The following NFIC variants were observed in gnomAD, a reference collection of about 807,000 sequenced individuals.
NFIC encodes nuclear factor 1 C-type.
Under a neutral mutation model 54.4 loss-of-function variants are expected in NFIC, and 12 were observed. The observed-to-expected ratio is 0.22, with a 90% CI of 0.14 to 0.36. The LOEUF (loss-of-function observed/expected upper bound fraction) is 0.36. Ranked by LOEUF, NFIC falls within the 10% of genes least tolerant of loss-of-function variation. NFIC has a pLI of 1.00. For synonymous variants in NFIC, 322 were observed against 319.2 expected (o/e 1.01, Z -0.09); for missense variants, 575 against 718.2 (o/e 0.80, Z 2.28).
At chr19:3,434,488 C>T (rs1207479421) in intron 5 of NFIC, 88 bp downstream of exon 5, 1 of 1,458,310 alleles carries the variant, frequency 6.9e-7, no homozygotes, top group Admixed American at 2.3e-5. Context: ...ATTCCTCTCC[C>T]TGGAATACCT....
chr19:3,463,914 TCCAGCCTCTCCA>T lies in NFIC; in HGVS notation c.*1152_*1163del. ...GGCCGCGGGCCTCCTCCCCCTCCCC[TCCAGCCTCTCCA>T]CCAGCCCCTCCAGTCAACCCTCATC... On this transcript the variant is annotated 3_prime_UTR_variant, in exon 11 of 11. Transcript: ENST00000443272. The T allele has an allele frequency of 2.9e-6, 2 of 693,972 alleles. No individual in the cohort carries two copies. Among genetic ancestry groups the T allele is most frequent in the Non-Finnish European group, 3.3e-6 (2 of 614,818 alleles). 43.0% of individuals were successfully genotyped at this position (693,972 alleles called of 1,614,324 possible). A position where few individuals can be genotyped will look rare whatever the true frequency, so the allele number is the denominator to read the frequency against.
At position 3,464,672 on chromosome 19, in the gene NFIC, A is replaced by G; in HGVS notation, c.*1903A>G. The G allele has an allele frequency of 1.0e-6, 1 of 980,290 alleles. No individual in the cohort carries two copies. Among genetic ancestry groups the G allele is most frequent in the Non-Finnish European group, 1.2e-6 (1 of 828,664 alleles). 60.7% of individuals were successfully genotyped at this position (980,290 alleles called of 1,614,324 possible). On this transcript the variant is annotated 3_prime_UTR_variant, in exon 11 of 11. Coordinates refer to ENST00000443272, the MANE Select transcript of NFIC (RefSeq NM_001245002.2). ...TCACCCCCCTGCCCCCGAAAACCAGACTCTCCTCCCAAACTAGCCTCAGGA... is the reference window on the plus strand; with the variant it reads ...TCACCCCCCTGCCCCCGAAAACCAGGCTCTCCTCCCAAACTAGCCTCAGGA...
At chr19:3,454,076 C>T in intron 9 of NFIC, 160 bp downstream of exon 9, 1 of 1,376,540 alleles carries the variant, frequency 7.3e-7, no homozygotes, top group Non-Finnish European at 9.3e-7. Flanking sequence ...CGTGGTTGGG[C>T]CCATGTAGGG....
chr19:3,379,386 ACTCT>A (rs757577864), intron 1 of NFIC, among the ~76,000 whole-genome samples: 36 of 132,514 alleles, frequency 2.7e-4, no homozygotes, highest in Non-Finnish European at 4.9e-4. Context: ...ACGGAGTCTC[ACTCT>A]GTCGCCCAGG....
At chr19:3,408,243 G>A (rs60649443) in intron 2 of NFIC, among the ~76,000 whole-genome samples, 26,843 of 152,028 alleles carry the variant, frequency 0.18, 3,894 homozygotes, top group African/African-American at 0.4. Context: ...ACAGCCCGCC[G>A]GGTTTTTAAA....
intron 2 of NFIC, among the ~76,000 whole-genome samples, chr19:3,405,324 G>A (rs975048150): frequency 1.3e-5 from 2 of 152,192 alleles, no homozygotes; most frequent in African/African-American, 2.4e-5. Flanking sequence ...TGGGGCGGGC[G>A]GGGAGTGCGG....
intron 2 of NFIC, among the ~76,000 whole-genome samples, chr19:3,423,959 C>T (rs2081990139): frequency 6.6e-6 from 1 of 152,150 alleles, no homozygotes; most frequent in Non-Finnish European, 1.5e-5. Context: ...TGATAGACCT[C>T]CTGCATAGGG....
At chr19:3,450,666 A>C (rs2082448237) in intron 7 of NFIC, among the ~76,000 whole-genome samples, 1 of 152,228 alleles carries the variant, frequency 6.6e-6, no homozygotes, top group Admixed American at 6.5e-5. Context: ...AAAAAAAACA[A>C]AACAGAACAA....
Position 3,464,931 on chromosome 19 carries a change from A to T in NFIC, c.*2162A>T. 6.9e-6 allele frequency: 1 copy of T among 145,544 alleles called. No individual in the cohort carries two copies. Among genetic ancestry groups the T allele is most frequent in the Non-Finnish European group, 1.5e-5 (1 of 67,428 alleles). The allele number at this position is 145,544 out of a possible 1,614,324, so 9.0% of individuals were successfully genotyped here. A position where few individuals can be genotyped will look rare whatever the true frequency, so the allele number is the denominator to read the frequency against. On this transcript the variant is annotated 3_prime_UTR_variant, in exon 11 of 11. Coordinates refer to ENST00000443272, the MANE Select transcript of NFIC (RefSeq NM_001245002.2). ...TGGGGTGTCCGGAAGCTTCTCAGCC[A>T]GGGTGGGGGTCGTGGAGTGGGGGAG...
At chr19:3,396,236 C>T (rs1599608695) in intron 2 of NFIC, among the ~76,000 whole-genome samples, 2 of 152,146 alleles carry the variant, frequency 1.3e-5, no homozygotes, top group East Asian at 3.9e-4. Flanking sequence ...CTTTGGGAGG[C>T]TGAGGTATGC....
chr19:3,461,035 A>G (rs113850772), intron 10 of NFIC, among the ~76,000 whole-genome samples: 54,660 of 150,704 alleles, frequency 0.36, 14,578 homozygotes, highest in African/African-American at 0.75. Context: ...TGAGGCAAGA[A>G]AATCACTTGA....
At chr19:3,374,434 T>C (rs1195021968) in intron 1 of NFIC, among the ~76,000 whole-genome samples, 1 of 152,142 alleles carries the variant, frequency 6.6e-6, no homozygotes, top group African/African-American at 2.4e-5. Context: ...TTTCTGCCCA[T>C]TGTACAGAAT....
chr19:3,398,049 T>C (rs2081493230), intron 2 of NFIC, among the ~76,000 whole-genome samples: 2 of 152,102 alleles, frequency 1.3e-5, no homozygotes, highest in African/African-American at 4.8e-5. Flanking sequence ...GATGGCATAT[T>C]ATCCAGGATT....
chr19:3,428,809 A>AC (rs2082068182), intron 3 of NFIC, among the ~76,000 whole-genome samples: 2 of 150,542 alleles, frequency 1.3e-5, no homozygotes, highest in South Asian at 4.3e-4. Context: ...CAAACAGGAA[A>AC]CCCCGGTCGG....
chr19:3,462,829 G>T lies in NFIC; in HGVS notation c.*60G>T. On this transcript the variant is annotated 3_prime_UTR_variant, in exon 11 of 11. Transcript: ENST00000443272. The stretch of plus-strand genomic sequence containing the variant: ...CCCAGGAATCCCAGGGGGCAGCACA[G>T]CCGGCCCCCGGCCCACGTTTTCGGT... 5 of 1,612,248 alleles carry T rather than the reference G, an allele frequency of 3.1e-6. No homozygotes were observed. The South Asian group carries it at 5.5e-5, about 18-fold the overall frequency.
intron 3 of NFIC, among the ~76,000 whole-genome samples, chr19:3,428,668 G>C (rs1378025188): frequency 6.6e-6 from 1 of 152,142 alleles, no homozygotes; most frequent in African/African-American, 2.4e-5. Flanking sequence ...CTCCAAGCCA[G>C]ATGTTGGAGG....
At chr19:3,409,166 C>T (rs974658183) in intron 2 of NFIC, among the ~76,000 whole-genome samples, 3 of 152,182 alleles carry the variant, frequency 2.0e-5, no homozygotes, top group South Asian at 4.1e-4. Flanking sequence ...CCGTTCGTTC[C>T]TCTTTCTCTT....
In NFIC at chr19:3,370,290, G is replaced by A. The variant is rs536536888; in HGVS notation, c.30+3624G>A. Among the ~76,000 whole-genome samples the A allele has an allele frequency of 4.6e-5, 7 of 152,022 alleles. No individual in the cohort carries two copies. Among genetic ancestry groups the A allele is most frequent in the East Asian group, 1.9e-4 (1 of 5,146 alleles). ...CTCTCTCCCCGTGTGCCCCCCACCC[G>A]GGGCCTGGTGGCCTCTGATTCACTC... On this transcript the variant is annotated intron_variant, in intron 1 of 10. Transcript: ENST00000443272. This position sits in a 1 kb window ranked among gnomAD's most constrained non-coding sequence, Gnocchi z 5.2.
chr19:3,433,390 A>G lies in NFIC; in HGVS notation c.635-128A>G, dbSNP rs780284246. The G allele has an allele frequency of 3.3e-6, 3 of 920,628 alleles. 1 individual carries two copies. The highest frequency in any genetic ancestry group is 5.1e-6 in the Non-Finnish European group (3 of 590,718). 57.0% of individuals were successfully genotyped at this position (920,628 alleles called of 1,614,324 possible). ...ATCAGACTGGAGCTGTCATTCCCCC[A>G]CAGCACAGGATGGACAGGGGGAACG... On this transcript the variant is annotated intron_variant, in intron 3 of 10. Coordinates refer to ENST00000443272, the MANE Select transcript of NFIC (RefSeq NM_001245002.2).
Sources: allele counts gnomAD v4.1 joint callset (sites outside exome capture counted in the v4.1 genomes callset), GRCh38; gene constraint gnomAD v4.1.1; non-coding constraint Gnocchi (gnomAD v3.1); transcripts MANE v1.5; gene names NCBI Gene and HGNC (gene_info 2026-07-23, HGNC 2026-07-21).